The following HS3ST3A1 variants were observed in gnomAD, a reference collection of about 807,000 sequenced individuals.
HS3ST3A1 encodes the protein heparan sulfate-glucosamine 3-sulfotransferase 3A1, also known as heparan sulfate glucosamine 3-O-sulfotransferase 3A1.
HS3ST3A1 carries 19 observed loss-of-function variants against 25.7 expected under a neutral mutation model. The observed-to-expected ratio is 0.74, with a 90% CI of 0.52 to 1.08. The LOEUF is 1.08. HS3ST3A1 is among the 50% of genes least tolerant of loss of function. The pLI is 0.00. For missense variants in HS3ST3A1, 459 were observed against 594.3 expected (o/e 0.77, Z 2.37); for synonymous variants, 226 against 278.6 (o/e 0.81, Z 1.88).
chr17:13,591,661 C>T (rs377749894), intron 1 of HS3ST3A1, among the ~76,000 whole-genome samples: 8 of 142,286 alleles, frequency 5.6e-5, no homozygotes, highest in Non-Finnish European at 7.6e-5. Flanking sequence ...TTTTCTTCTT[C>T]TTTTTTTTTT....
intron 1 of HS3ST3A1, among the ~76,000 whole-genome samples, chr17:13,551,625 A>AAG (rs1555540480): frequency 5.7e-5 from 6 of 105,612 alleles, no homozygotes; most frequent in Admixed American, 1.0e-4. Flanking sequence ...GAAAAAAAAA[A>AAG]GGGGGGGGGG....
At chr17:13,561,867 G>T (rs1159081945) in intron 1 of HS3ST3A1, among the ~76,000 whole-genome samples, 6 of 151,992 alleles carry the variant, frequency 3.9e-5, no homozygotes, top group Non-Finnish European at 8.8e-5. Flanking sequence ...GATCCCAGGG[G>T]TACAAAGAGG....
At chr17:13,580,414 T>A (rs573320445) in intron 1 of HS3ST3A1, among the ~76,000 whole-genome samples, 1 of 152,262 alleles carries the variant, frequency 6.6e-6, no homozygotes, top group South Asian at 2.1e-4. Context: ...TATTGTGAAG[T>A]GGTGAATGGA....
At chr17:13,503,182 A>G (rs1002983992) in intron 1 of HS3ST3A1, among the ~76,000 whole-genome samples, 2 of 151,482 alleles carry the variant, frequency 1.3e-5, no homozygotes, top group Middle Eastern at 3.2e-3. Context: ...TCAAAAAAAA[A>G]AAAAAAAAAG....
intron 1 of HS3ST3A1, among the ~76,000 whole-genome samples, chr17:13,581,303 C>T (rs926017752): frequency 2.0e-5 from 3 of 151,868 alleles, no homozygotes; most frequent in African/African-American, 7.3e-5. Flanking sequence ...TCTGTCTGTA[C>T]TAAAAATACA....
At chr17:13,562,212 G>A (rs1907567343) in intron 1 of HS3ST3A1, among the ~76,000 whole-genome samples, 4 of 152,128 alleles carry the variant, frequency 2.6e-5, no homozygotes, top group Admixed American at 6.5e-5. Flanking sequence ...TAGGAAAAAG[G>A]AGCCGCAGCC....
At chr17:13,514,840 T>C (rs1906000480) in intron 1 of HS3ST3A1, among the ~76,000 whole-genome samples, 1 of 152,260 alleles carries the variant, frequency 6.6e-6, no homozygotes, top group Admixed American at 6.5e-5. Flanking sequence ...CATAGAGTTG[T>C]CTTCCAGAAA....
chr17:13,574,641 C>A (rs1445534607), intron 1 of HS3ST3A1, among the ~76,000 whole-genome samples: 2 of 151,754 alleles, frequency 1.3e-5, no homozygotes, highest in African/African-American at 4.8e-5. Context: ...TGGCATGAAC[C>A]CAGGAGGTGG....
intron 1 of HS3ST3A1, among the ~76,000 whole-genome samples, chr17:13,498,969 T>A (rs1905371070): frequency 6.6e-6 from 1 of 151,944 alleles, no homozygotes; most frequent in Non-Finnish European, 1.5e-5. Flanking sequence ...GGTGGGGGGT[T>A]TATTTTTGTC....
chr17:13,519,576 A>T (rs1014304617), intron 1 of HS3ST3A1, among the ~76,000 whole-genome samples: 1 of 152,140 alleles, frequency 6.6e-6, no homozygotes, highest in African/African-American at 2.4e-5. Context: ...TGGTGATGAT[A>T]ATTTGTTAAT....
At chr17:13,531,732 T>C (rs1396302680) in intron 1 of HS3ST3A1, among the ~76,000 whole-genome samples, 1 of 152,214 alleles carries the variant, frequency 6.6e-6, no homozygotes, top group Non-Finnish European at 1.5e-5. Flanking sequence ...TCCCTTGACA[T>C]TTAATTATAC....
Position 13,564,842 on chromosome 17 carries a change from A to G in HS3ST3A1, c.599+35689T>C, listed in dbSNP as rs187873181. Among the ~76,000 whole-genome samples the G allele has an allele frequency of 3.1e-4, 47 of 151,414 alleles. No individual in the cohort carries two copies. The East Asian group carries it at 8.8e-3, about 28-fold the overall frequency. On this transcript the variant is annotated intron_variant, in intron 1 of 1. Coordinates refer to ENST00000284110, the MANE Select transcript of HS3ST3A1 (RefSeq NM_006042.3). ...GAGTTCAAATGATTCTTATGCCTCA[A>G]TCTCTCAAGTAGCTGGGATTACAGG...
rs371109356 is a variant in HS3ST3A1, at chr17:13,600,525, G to A, written c.599+6C>T. 1.6e-5 allele frequency: 26 copies of A among 1,589,308 alleles called. No homozygotes were observed. Among genetic ancestry groups the A allele is most frequent in the African/African-American group, 2.7e-5 (2 of 73,920 alleles). ...TTCAGCCCCAGCCCGGGCCCGCCCC[G>A]CTCACCGGTACCAGGCGAGGCCCTT... is the stretch of plus-strand genomic sequence containing the variant. On this transcript the variant is annotated splice_donor_region_variant and intron_variant, in intron 1 of 1. Coordinates refer to ENST00000284110, the MANE Select transcript of HS3ST3A1 (RefSeq NM_006042.3).
chr17:13,562,871 C>T (rs117005989), intron 1 of HS3ST3A1, among the ~76,000 whole-genome samples: 4 of 152,120 alleles, frequency 2.6e-5, no homozygotes, highest in Non-Finnish European at 5.9e-5. Context: ...AATAAAAAGA[C>T]GATTTTTCTG....
intron 1 of HS3ST3A1, among the ~76,000 whole-genome samples, chr17:13,553,739 G>A (rs1217915003): frequency 6.6e-6 from 1 of 152,094 alleles, no homozygotes; most frequent in East Asian, 1.9e-4. Flanking sequence ...TTCTAGACAT[G>A]TGAAATAATA....
chr17:13,591,267 G>A (rs1376683170), intron 1 of HS3ST3A1, among the ~76,000 whole-genome samples: 2 of 151,410 alleles, frequency 1.3e-5, no homozygotes, highest in South Asian at 2.1e-4. Context: ...GGCTGGTCTC[G>A]AATTCCTGAC....
intron 1 of HS3ST3A1, among the ~76,000 whole-genome samples, chr17:13,578,602 T>A (rs895081096): frequency 1.4e-5 from 2 of 147,792 alleles, no homozygotes; most frequent in Admixed American, 1.4e-4. Flanking sequence ...TCCACAGTGG[T>A]GTCTGAAAAT....
intron 1 of HS3ST3A1, among the ~76,000 whole-genome samples, chr17:13,557,891 G>A (rs548214494): frequency 1.6e-4 from 24 of 152,266 alleles, no homozygotes; most frequent in African/African-American, 5.5e-4. Flanking sequence ...TGCTGAAAAG[G>A]GACAAGCATT....
intron 1 of HS3ST3A1, among the ~76,000 whole-genome samples, chr17:13,578,037 C>A (rs1236672322): frequency 6.6e-6 from 1 of 152,088 alleles, no homozygotes; most frequent in Non-Finnish European, 1.5e-5. Context: ...TATCACTTTA[C>A]TCAGCCATTT....
Sources: allele counts gnomAD v4.1 joint callset (sites outside exome capture counted in the v4.1 genomes callset), GRCh38; gene constraint gnomAD v4.1.1; transcripts MANE v1.5; gene names NCBI Gene and HGNC (gene_info 2026-07-23, HGNC 2026-07-21).